Variants in TPR observed in about 807,000 individuals in gnomAD.
TPR encodes nucleoprotein TPR.
Under a neutral mutation model 316.1 loss-of-function variants are expected in TPR, and 51 were observed. That is an observed-to-expected ratio of 0.16 (90% CI 0.13 to 0.20). The LOEUF (loss-of-function observed/expected upper bound fraction) is 0.20, where lower values mean the gene tolerates loss of function less well. TPR is among the 10% of genes least tolerant of loss of function. The pLI, the probability that TPR is intolerant of heterozygous loss-of-function variation, is 1.00. For missense variants in TPR, 2,272 were observed against 2,754.8 expected (o/e 0.82, Z 3.92); for synonymous variants, 981 against 914.7 (o/e 1.07, Z -1.31).
intron 4 of TPR, among the ~76,000 whole-genome samples, chr1:186,364,371 G>T (rs1333248335): frequency 6.6e-6 from 1 of 151,470 alleles, no homozygotes; most frequent in Non-Finnish European, 1.5e-5. Context: ...TCCAGTATAT[G>T]GACCGTTGTT....
intron 36 of TPR, 32 bp from the exon 37 acceptor site, chr1:186,333,426 C>G (rs767363876): frequency 6.2e-7 from 1 of 1,600,558 alleles, no homozygotes; most frequent in Non-Finnish European, 8.5e-7. Context: ...GAATATAAGC[C>G]TTCTACTTTT....
intron 1 of TPR, 28 bp from the exon 2 acceptor site, chr1:186,373,491 A>C: frequency 7.1e-7 from 1 of 1,403,390 alleles, no homozygotes; most frequent in Non-Finnish European, 1.0e-6. Flanking sequence ...AAAACAAAAA[A>C]CAAAATCAAA....
At chr1:186,353,240 C>T (rs190339959) in intron 18 of TPR, among the ~76,000 whole-genome samples, 1,575 of 151,928 alleles carry the variant, frequency 0.01, 27 homozygotes, top group African/African-American at 0.036. Context: ...GGTGTGGTGG[C>T]GGGCACCTGT....
At chr1:186,334,001 A>G (rs144592649) in intron 36 of TPR, among the ~76,000 whole-genome samples, 1 of 152,300 alleles carries the variant, frequency 6.6e-6, no homozygotes, top group African/African-American at 2.4e-5. Context: ...AATAAAATAC[A>G]AAGTTGTAAT....
At chr1:186,314,077 CTAGTG>C in intron 50 of TPR, 51 bp from the exon 51 acceptor site, 1 of 1,537,506 alleles carries the variant, frequency 6.5e-7, no homozygotes, top group Non-Finnish European at 8.9e-7. Context: ...GAATTCAAAA[CTAGTG>C]TATTCACTTA....
chr1:186,367,735 A>G, intron 4 of TPR, 151 bp downstream of exon 4: 2 of 508,466 alleles, frequency 3.9e-6, no homozygotes, highest in South Asian at 6.9e-5. Context: ...TTTAAAGATA[A>G]ATGAGTAGGA....
rs1386583882 is a variant in TPR, at chr1:186,335,478, G to T, written c.4771C>A (p.Gln1591Lys). Residue 1591 changes from glutamine to lysine, a missense_variant, in exon 34 of 51, where the codon CAG becomes AAG. By Grantham distance (53) the Gln-to-Lys change is moderately conservative. Transcript: ENST00000367478. ...LKQRNGALDQ[Q>K]KDELDVRITA... ...ATGCGAACATCCAATTCATCTTTCT[G>T]CTGATCTAAGGCTCCATTCCTTTGT... 6.2e-7 allele frequency: 1 copy of T among 1,613,330 alleles called. No homozygotes were observed. Among genetic ancestry groups the T allele is most frequent in the African/African-American group, 1.3e-5 (1 of 74,846 alleles).
chr1:186,312,170 A>T lies in TPR; in HGVS notation c.*1801T>A. 6.2e-7 allele frequency: 1 copy of T among 1,613,050 alleles called. No homozygotes were observed. Among genetic ancestry groups the T allele is most frequent in the South Asian group, 1.1e-5 (1 of 91,048 alleles). ...TTTTCCATGTGATATTCTAATACAT[A>T]ACAGGTGGCAGCATTCAGCAGTATA... On this transcript the variant is annotated 3_prime_UTR_variant, in exon 51 of 51. Coordinates refer to ENST00000367478, the MANE Select transcript of TPR (RefSeq NM_003292.3).
At chr1:186,368,660 CAT>C (rs2101991372) in intron 3 of TPR, among the ~76,000 whole-genome samples, 1 of 152,318 alleles carries the variant, frequency 6.6e-6, no homozygotes, top group African/African-American at 2.4e-5. Flanking sequence ...TGGCAATCTA[CAT>C]GTTTTTGAGT....
rs1659677936 is a variant in TPR, at chr1:186,375,172, TC to T, written c.-145del. ...TCGCGCGCGCCCGCCCGCCGGAGAC[TC>T]CCGCGGCGGGACCCTGGGAAATCGA... On this transcript the variant is annotated 5_prime_UTR_variant, in exon 1 of 51. Coordinates refer to ENST00000367478, the MANE Select transcript of TPR (RefSeq NM_003292.3). 2.6e-6 allele frequency: 4 copies of T among 1,538,594 alleles called. No homozygotes were observed. The highest frequency in any genetic ancestry group is 3.5e-6 in the Non-Finnish European group (4 of 1,141,346).
At position 186,356,468 on chromosome 1, in the gene TPR, T is replaced by C; in HGVS notation, c.1725-19A>G. 1 of 1,599,528 alleles carries C rather than the reference T, an allele frequency of 6.3e-7. No homozygotes were observed. Among genetic ancestry groups the C allele is most frequent in the East Asian group, 2.2e-5 (1 of 44,484 alleles). On this transcript the variant is annotated intron_variant, in intron 14 of 50. Coordinates refer to ENST00000367478, the MANE Select transcript of TPR (RefSeq NM_003292.3). ...AGTGATTCTGTAGAAAAAGTCGGCC[T>C]AATTCACAGGACTGAACTGAGAGTT...
At chr1:186,325,706 T>C in intron 42 of TPR, 58 bp downstream of exon 42, 1 of 1,387,068 alleles carries the variant, frequency 7.2e-7, no homozygotes. Context: ...TTAAGTGCAA[T>C]TCTAGTTTAG....
In TPR at chr1:186,360,256, T is replaced by G. The variant is rs745828835; in HGVS notation, c.1191+17A>C. On this transcript the variant is annotated intron_variant, in intron 11 of 50. Transcript: ENST00000367478. The stretch of plus-strand genomic sequence containing the variant: ...GCTGAAGAAAAAGAATTTAACAACA[T>G]TTAATACCATTCTTACCTCAGTTAG... 2 of 1,609,570 alleles carry G rather than the reference T, an allele frequency of 1.2e-6. No homozygotes were observed. The highest frequency in any genetic ancestry group is 8.5e-7 in the Non-Finnish European group (1 of 1,177,730).
At chr1:186,317,305 CTTAGAA>C (rs1329087983) in intron 49 of TPR, among the ~76,000 whole-genome samples, 171 bp downstream of exon 49, 2 of 152,134 alleles carry the variant, frequency 1.3e-5, no homozygotes, top group Non-Finnish European at 2.9e-5. Flanking sequence ...CCAGAATATT[CTTAGAA>C]TAATTATTTC....
rs1194773937 is a variant in TPR, at chr1:186,355,565, A to G, written c.2023-7T>C. 6.2e-7 allele frequency: 1 copy of G among 1,611,986 alleles called. No homozygotes were observed. The highest frequency in any genetic ancestry group is 8.5e-7 in the Non-Finnish European group (1 of 1,179,624). ...TCTCAAAAATTTCCTGCAACTAAAT[A>G]TTGGAGATTATGAGAAGGTAACACT... On this transcript the variant is annotated splice_region_variant and splice_polypyrimidine_tract_variant and intron_variant, in intron 16 of 50. Coordinates refer to ENST00000367478, the MANE Select transcript of TPR (RefSeq NM_003292.3).
intron 10 of TPR, 91 bp from the exon 11 acceptor site, chr1:186,360,455 C>G: frequency 7.8e-7 from 1 of 1,276,684 alleles, no homozygotes. Flanking sequence ...ATGTACTGTA[C>G]ATTATATAGT....
At chr1:186,339,620 T>C (rs1658447184) in intron 30 of TPR, 22 bp downstream of exon 30, 1 of 1,521,754 alleles carries the variant, frequency 6.6e-7, no homozygotes, top group Non-Finnish European at 8.8e-7. Flanking sequence ...TTATATATGA[T>C]TTAAGGCTTC....
intron 25 of TPR, 116 bp downstream of exon 25, chr1:186,344,259 C>T: frequency 7.3e-7 from 1 of 1,378,132 alleles, no homozygotes; most frequent in Non-Finnish European, 9.9e-7. Flanking sequence ...CAATATCACG[C>T]CATTGCACTC....
intron 22 of TPR, 96 bp downstream of exon 22, chr1:186,347,196 T>G (rs925393863): frequency 2.2e-6 from 3 of 1,351,992 alleles, no homozygotes; most frequent in Non-Finnish European, 3.1e-6. Context: ...CCTGGTCTAA[T>G]TCATACGAGT....
Sources: gnomAD v4.1 joint callset for allele counts (sites outside exome capture counted in the v4.1 genomes callset) on GRCh38, gnomAD v4.1.1 for gene constraint, MANE v1.5 for transcripts, NCBI Gene and HGNC (gene_info 2026-07-23, HGNC 2026-07-21) for gene names.